FRMD4A: variants seen among roughly 807,000 people sequenced by gnomAD.
The protein encoded by FRMD4A is FERM domain containing 4A.
FRMD4A carries 29 observed loss-of-function variants against 129.1 expected under a neutral mutation model. The observed-to-expected ratio is 0.22, with a 90% confidence interval of 0.17 to 0.31. FRMD4A has a LOEUF of 0.31. Among genes scored for constraint, FRMD4A ranks in the 10% least tolerant of loss-of-function variants. The pLI is 1.00. For missense variants in FRMD4A, 1,272 were observed against 1,375.8 expected (o/e 0.92, Z 1.19); for synonymous variants, 634 against 571.6 (o/e 1.11, Z -1.56).
chr10:14,096,255 A>G (rs1380731765), intron 2 of FRMD4A, among the ~76,000 whole-genome samples: 2 of 152,206 alleles, frequency 1.3e-5, no homozygotes, highest in African/African-American at 4.8e-5. Flanking sequence ...AGAAGGGACA[A>G]TCTGTGAGAA....
intron 2 of FRMD4A, among the ~76,000 whole-genome samples, chr10:13,877,125 C>T (rs1156861910): frequency 6.6e-6 from 1 of 152,180 alleles, no homozygotes; most frequent in Non-Finnish European, 1.5e-5. Context: ...TCTCCATTGC[C>T]TCCCAGGGAG....
At chr10:14,045,415 C>T (rs1014849379) in intron 2 of FRMD4A, among the ~76,000 whole-genome samples, 1 of 152,112 alleles carries the variant, frequency 6.6e-6, no homozygotes, top group African/African-American at 2.4e-5. Flanking sequence ...TGGGTACTCG[C>T]TCTCTTAATG....
At chr10:14,283,138 A>G (rs1029160746) in intron 2 of FRMD4A, among the ~76,000 whole-genome samples, 4 of 152,250 alleles carry the variant, frequency 2.6e-5, no homozygotes, top group African/African-American at 9.6e-5. Flanking sequence ...TTATCAAACA[A>G]CAGTGTCAAC....
At chr10:13,835,522 C>T (rs893361607) in intron 3 of FRMD4A, among the ~76,000 whole-genome samples, 7 of 152,192 alleles carry the variant, frequency 4.6e-5, no homozygotes, top group Admixed American at 2.0e-4. Flanking sequence ...CTCCCCATCG[C>T]GCATTATTGC....
chr10:14,194,580 T>C (rs10732939), intron 2 of FRMD4A, among the ~76,000 whole-genome samples: 152,168 of 152,290 alleles, frequency 1, 76,023 homozygotes, highest in East Asian at 1. Context: ...CACTGCACTC[T>C]CGCCTGGGCG....
At chr10:13,880,552 G>GC (rs35683354) in intron 2 of FRMD4A, among the ~76,000 whole-genome samples, 1 of 152,102 alleles carries the variant, frequency 6.6e-6, no homozygotes, top group Non-Finnish European at 1.5e-5. Flanking sequence ...AATGGGGAGA[G>GC]CCCCCCAGGG....
intron 12 of FRMD4A, among the ~76,000 whole-genome samples, chr10:13,734,625 T>G (rs1319556141): frequency 6.7e-6 from 1 of 148,816 alleles, no homozygotes; most frequent in Non-Finnish European, 1.5e-5. Flanking sequence ...ACTCACTCTC[T>G]GCTTCCTCTG....
intron 2 of FRMD4A, among the ~76,000 whole-genome samples, chr10:14,279,398 C>A (rs1845446596): frequency 6.6e-6 from 1 of 151,796 alleles, no homozygotes; most frequent in South Asian, 2.1e-4. Context: ...GGGGTTTCAC[C>A]AGGTTGGCCA....
chr10:14,321,491 C>T (rs146840146), intron 2 of FRMD4A, among the ~76,000 whole-genome samples: 30 of 152,170 alleles, frequency 2.0e-4, no homozygotes, highest in African/African-American at 7.0e-4. Flanking sequence ...AAATGTCCAA[C>T]ACTGTGAGAG....
chr10:13,721,859 A>G (rs751997087), intron 12 of FRMD4A, among the ~76,000 whole-genome samples: 3 of 152,226 alleles, frequency 2.0e-5, no homozygotes, highest in Non-Finnish European at 4.4e-5. Context: ...ACACATGTGC[A>G]TGCCTAAAAA....
At chr10:13,804,558 T>TCTTTCTTTCTTTCTTTCTTTCTTTC (rs2093325737) in intron 4 of FRMD4A, among the ~76,000 whole-genome samples, 1 of 151,186 alleles carries the variant, frequency 6.6e-6, no homozygotes, top group African/African-American at 2.4e-5. Context: ...TTTCTTTTTT[T>TCTTTCTTTCTTTCTTTCTTTCTTTC]TGTTGAGACG....
chr10:14,005,868 T>G (rs1359559275), intron 2 of FRMD4A, among the ~76,000 whole-genome samples: 1 of 152,164 alleles, frequency 6.6e-6, no homozygotes, highest in Non-Finnish European at 1.5e-5. Context: ...TGTTAGTGAC[T>G]CGCAATGGTA....
chr10:13,972,480 A>G (rs1246860830), intron 2 of FRMD4A: 1 of 203,728 alleles, frequency 4.9e-6, no homozygotes, highest in African/African-American at 2.4e-5. Context: ...TGGATTTCAT[A>G]TCAACATCCA....
intron 2 of FRMD4A, among the ~76,000 whole-genome samples, chr10:14,248,326 T>A (rs985151007): frequency 1.8e-4 from 28 of 152,332 alleles, no homozygotes; most frequent in Admixed American, 7.2e-4. Context: ...ACTTAAAAAA[T>A]TTAATTCCGT....
At chr10:13,714,043 T>TTTTATATACATATATATAAA (rs2088490387) in intron 12 of FRMD4A, among the ~76,000 whole-genome samples, 4 of 5,946 alleles carry the variant, frequency 6.7e-4, no homozygotes, top group Non-Finnish European at 1.4e-3. Flanking sequence ...TATATATATA[T>TTTTATATACATATATATAAA]ATATATATAT....
Position 14,253,592 on chromosome 10 carries a change from C to A in FRMD4A, c.45+76466G>T, listed in dbSNP as rs924673355. Among the ~76,000 whole-genome samples, 9 of 152,292 alleles carry A rather than the reference C, an allele frequency of 5.9e-5. No individual in the cohort carries two copies. The East Asian group carries it at 1.7e-3, about 29-fold the overall frequency. On this transcript the variant is annotated intron_variant, in intron 2 of 24. Coordinates refer to ENST00000357447, the MANE Select transcript of FRMD4A (RefSeq NM_018027.5). ...ACTTCATTACAAAGCACCCAAAAAT[C>A]CTGCTTAATAGAAATAAATGCTTCA... is the stretch of plus-strand genomic sequence containing the variant.
intron 2 of FRMD4A, among the ~76,000 whole-genome samples, chr10:13,985,220 C>T (rs1366256741): frequency 1.3e-5 from 2 of 152,218 alleles, no homozygotes; most frequent in Admixed American, 6.5e-5. Flanking sequence ...GTGTTTGGCC[C>T]CTAGGCCCCA....
chr10:13,810,802 G>C lies in FRMD4A; in HGVS notation c.206+12C>G, dbSNP rs1400621177. ...CTCCCTTCGGGCTGTGAGGGCTCAAGGCAGTACTTACGTTTCATCTGTGAA... is the reference window on the plus strand; with the variant it reads ...CTCCCTTCGGGCTGTGAGGGCTCAACGCAGTACTTACGTTTCATCTGTGAA... On this transcript the variant is annotated intron_variant, in intron 4 of 24. Coordinates refer to ENST00000357447, the MANE Select transcript of FRMD4A (RefSeq NM_018027.5). 1.1e-5 allele frequency: 15 copies of C among 1,399,136 alleles called. No homozygotes were observed. The highest frequency in any genetic ancestry group is 1.5e-5 in the Non-Finnish European group (15 of 986,120). The allele number at this position is 1,399,136 out of a possible 1,614,324, so 86.7% of individuals were successfully genotyped here.
At chr10:13,999,481 C>CTAGCAATGATCAA in intron 2 of FRMD4A, among the ~76,000 whole-genome samples, 1 of 152,334 alleles carries the variant, frequency 6.6e-6, no homozygotes, top group East Asian at 1.9e-4. Flanking sequence ...CAATATACTT[C>CTAGCAATGATCAA]TAACCCTTAT....
Sources: gnomAD v4.1 joint callset for allele counts (sites outside exome capture counted in the v4.1 genomes callset) on GRCh38, gnomAD v4.1.1 for gene constraint, MANE v1.5 for transcripts, NCBI Gene and HGNC (gene_info 2026-07-23, HGNC 2026-07-21) for gene names.